PRRG4: variants seen among roughly 807,000 people sequenced by gnomAD.
PRRG4 encodes transmembrane gamma-carboxyglutamic acid protein 4.
PRRG4 carries 12 observed loss-of-function variants against 20.0 expected under a neutral mutation model. The observed-to-expected ratio is 0.60, with a 90% CI of 0.38 to 0.97. The LOEUF is 0.97. Among genes scored for constraint, PRRG4 ranks in the 50% least tolerant of loss-of-function variants. PRRG4 has a pLI of 0.00. For synonymous variants in PRRG4, 94 were observed against 96.4 expected, an observed-to-expected ratio of 0.98 and a Z score of 0.15; for missense variants, 199 against 265.1, an observed-to-expected ratio of 0.75 and a Z score of 1.73.
In PRRG4 at chr11:32,840,206, G is replaced by C; in HGVS notation, c.416G>C (p.Cys139Ser). ...VIFGLLGYYL[C>S]ITKCNRLQHP... ...TTTGGATTACTTGGCTACTATCTTT[G>C]TATCACTAAGTGTAATAGGCTACAA... The change falls in exon 5 of 6, where the codon TGT (cysteine) becomes TCT (serine). Residue 139 changes from cysteine (C) to serine (S), a missense_variant. Physicochemically the swap from Cys to Ser is moderately radical, Grantham distance 112. Coordinates refer to ENST00000257836, the MANE Select transcript of PRRG4 (RefSeq NM_024081.6). This position sits in a 1 kb window ranked among gnomAD's most constrained non-coding sequence, Gnocchi z 4.1. 2.5e-6 allele frequency: 4 copies of C among 1,604,104 alleles called. No homozygotes were observed. Among genetic ancestry groups the C allele is most frequent in the Non-Finnish European group, 3.4e-6 (4 of 1,171,918 alleles).
At chr11:32,837,296 C>T (rs1185707850) in intron 3 of PRRG4, among the ~76,000 whole-genome samples, 1 of 151,816 alleles carries the variant, frequency 6.6e-6, no homozygotes, top group Non-Finnish European at 1.5e-5. Context: ...CTGCTATGTG[C>T]CAGGTATTCT....
At chr11:32,838,762 C>A in intron 3 of PRRG4, 120 bp from the exon 4 acceptor site, 2 of 666,020 alleles carry the variant, frequency 3.0e-6, no homozygotes, top group Non-Finnish European at 2.7e-6. Flanking sequence ...CTTGAATGAA[C>A]TGGTCTCCTA....
intron 5 of PRRG4, among the ~76,000 whole-genome samples, chr11:32,851,568 G>A (rs565524344): frequency 3.3e-5 from 5 of 151,916 alleles, no homozygotes; most frequent in East Asian, 1.9e-4. Flanking sequence ...CTTCTTTCTC[G>A]CAATTTTTCT....
At chr11:32,836,850 G>A in intron 3 of PRRG4, 29 bp downstream of exon 3, 2 of 1,582,220 alleles carry the variant, frequency 1.3e-6, no homozygotes, top group Non-Finnish European at 1.7e-6. Context: ...TTAATTGGCT[G>A]GAAATGTTAA....
intron 2 of PRRG4, among the ~76,000 whole-genome samples, chr11:32,831,962 C>A (rs547235090): frequency 6.6e-6 from 1 of 152,156 alleles, no homozygotes; most frequent in African/African-American, 2.4e-5. Context: ...GCACTCCAGC[C>A]TGGGCGACAG....
intron 5 of PRRG4, among the ~76,000 whole-genome samples, chr11:32,844,570 G>A (rs1851110496): frequency 6.6e-6 from 1 of 151,120 alleles, no homozygotes. Flanking sequence ...GCATGATCTC[G>A]GCTCACTGCA....
chr11:32,831,169 T>G (rs1053320216), intron 2 of PRRG4, among the ~76,000 whole-genome samples: 6 of 152,174 alleles, frequency 3.9e-5, no homozygotes, highest in African/African-American at 1.4e-4. Context: ...AAGATTAGGT[T>G]TGGGGCTTGC....
At chr11:32,844,476 T>A (rs1207818617) in intron 5 of PRRG4, among the ~76,000 whole-genome samples, 2 of 7,480 alleles carry the variant, frequency 2.7e-4, no homozygotes, top group Non-Finnish European at 3.0e-4. Context: ...GCTATTATTA[T>A]TATTATTATT....
rs147146504 is a variant in PRRG4 at position 32,853,390 on chromosome 11, G to C, written c.544G>C (p.Glu182Gln). 5.0e-6 allele frequency: 8 copies of C among 1,613,976 alleles called. No individual in the cohort carries two copies. The highest frequency in any genetic ancestry group is 6.8e-6 in the Non-Finnish European group (8 of 1,180,020). The change falls in exon 6 of 6, where the codon GAG becomes CAG. Residue 182 changes from glutamate (E) to glutamine (Q), a missense_variant. Physicochemically the swap from Glu to Gln is conservative, Grantham distance 29 (BLOSUM62 2). Transcript: ENST00000257836. ...CTTGTCTCCATTGCCGCCTTCTGTG[G>C]AGGATGCAGGATTACCTTCTTATGA... ...AALSPLPPSVEDAGLPSYEQA... is the reference protein window; with the variant it reads ...AALSPLPPSVQDAGLPSYEQA...
rs184087914 is a variant in PRRG4, at chr11:32,837,562, T to G, written c.267+741T>G. 6.2e-3 allele frequency among the ~76,000 whole-genome samples: 904 copies of G among 145,322 alleles called. 10 individuals are homozygous for G. Among genetic ancestry groups the G allele is most frequent in the African/African-American group, 0.02 (775 of 38,696 alleles). ...TGATGATTATTATTATTATTATTAT[T>G]ATTATTATTATTATTATTATCTGGA... On this transcript the variant is annotated intron_variant, in intron 3 of 5. Transcript: ENST00000257836.
chr11:32,844,316 A>G (rs1456939958), intron 5 of PRRG4, among the ~76,000 whole-genome samples: 2 of 152,162 alleles, frequency 1.3e-5, no homozygotes. Flanking sequence ...CTACTGTATG[A>G]ATGGTACCCT....
intron 5 of PRRG4, among the ~76,000 whole-genome samples, chr11:32,848,979 A>AG (rs370654438): frequency 0.12 from 15,600 of 131,450 alleles, 871 homozygotes; most frequent in Non-Finnish European, 0.14. Flanking sequence ...CTTAAAAAAA[A>AG]AAAAAAGAAT....
rs554002774 is a variant in PRRG4, at chr11:32,830,775, G to T, written c.103+143G>T. 6.5e-6 allele frequency: 9 copies of T among 1,374,180 alleles called. No individual in the cohort carries two copies. In the Admixed American group the frequency reaches 1.5e-4, roughly 24 times the overall value. 85.1% of individuals were successfully genotyped at this position (1,374,180 alleles called of 1,614,324 possible). ...TTTAATTTGTGGCATATTTGGCAAG[G>T]TTGTGTTTTTTTATGTTCTTTAACT... is the stretch of plus-strand genomic sequence containing the variant. On this transcript the variant is annotated intron_variant, in intron 2 of 5. Coordinates refer to ENST00000257836, the MANE Select transcript of PRRG4 (RefSeq NM_024081.6).
intron 5 of PRRG4, among the ~76,000 whole-genome samples, chr11:32,852,772 C>CTTT (rs531547410): frequency 1.6e-5 from 2 of 126,698 alleles, no homozygotes. Context: ...TCAGATTTCT[C>CTTT]TTTTTTTTTT....
Position 32,856,867 on chromosome 11 carries a change from C to G in PRRG4, c.*3340C>G, listed in dbSNP as rs1368092887. The G allele has an allele frequency of 6.6e-6, 1 of 152,176 alleles. No individual in the cohort carries two copies. The highest frequency in any genetic ancestry group is 6.5e-5 in the Admixed American group (1 of 15,268). 9.4% of individuals were successfully genotyped at this position (152,176 alleles called of 1,614,324 possible). ...TAATTTTTTGAGACAAGGTCTTGCT[C>G]TGCTACCCAGGCTGGAGTGCAGTGG... is the stretch of plus-strand genomic sequence containing the variant. On this transcript the variant is annotated 3_prime_UTR_variant, in exon 6 of 6. Transcript: ENST00000257836.
At chr11:32,839,891 A>G (rs1851062020) in intron 4 of PRRG4, among the ~76,000 whole-genome samples, 1 of 147,846 alleles carries the variant, frequency 6.8e-6, no homozygotes, top group African/African-American at 2.5e-5. Flanking sequence ...AAATATATTT[A>G]TATTTTAATA....
intron 3 of PRRG4, among the ~76,000 whole-genome samples, chr11:32,838,287 T>C (rs1201050074): frequency 1.3e-5 from 2 of 151,808 alleles, no homozygotes; most frequent in Non-Finnish European, 1.5e-5. Context: ...TGAAACTCCA[T>C]CTCTGCAAAA....
In PRRG4 at chr11:32,853,435, A is replaced by G. The variant is rs763610901; in HGVS notation, c.589A>G (p.Arg197Gly). Residue 197 changes from arginine to glycine, a missense_variant, in exon 6 of 6, where the codon AGA (arginine) becomes GGA (glycine). Coordinates refer to ENST00000257836, the MANE Select transcript of PRRG4 (RefSeq NM_024081.6). ...TTATGAACAGGCAGTGGCGCTGACC[A>G]GAAAACACAGTGTTTCACCACCACC... is the stretch of plus-strand genomic sequence containing the variant. ...PSYEQAVALT[R>G]KHSVSPPPPY... The G allele has an allele frequency of 1.3e-5, 21 of 1,614,094 alleles. No homozygotes were observed. The South Asian group carries it at 2.0e-4, about 15-fold the overall frequency.
At chr11:32,852,922 G>A (rs926883296) in intron 5 of PRRG4, among the ~76,000 whole-genome samples, 51 of 147,864 alleles carry the variant, frequency 3.4e-4, no homozygotes, top group African/African-American at 1.1e-3. Context: ...ACAGGCACCC[G>A]CCACCATGCC....
Sources: gnomAD v4.1 joint callset for allele counts (sites outside exome capture counted in the v4.1 genomes callset) on GRCh38, gnomAD v4.1.1 for gene constraint, Gnocchi (gnomAD v3.1) non-coding constraint, MANE v1.5 for transcripts, NCBI Gene and HGNC (gene_info 2026-07-23, HGNC 2026-07-21) for gene names.